The following RFX3 variants were observed in gnomAD, a reference collection of about 807,000 sequenced individuals.
RFX3 encodes regulatory factor X3, also known as transcription factor RFX3.
Under a neutral mutation model 98.6 loss-of-function variants are expected in RFX3, and 14 were observed. That is an observed-to-expected ratio of 0.14 (90% CI 0.09 to 0.22). The LOEUF is 0.22. Ranked by LOEUF, RFX3 falls within the 10% of genes least tolerant of loss-of-function variation. The probability of loss-of-function intolerance (pLI) is 1.00; values close to 1 mark genes in which losing one functional copy is unlikely to be tolerated. For synonymous variants in RFX3, 383 were observed against 328.4 expected (o/e 1.17, Z -1.80); for missense variants, 639 against 926.9 (o/e 0.69, Z 4.03).
At chr9:3,426,166 T>C (rs1231934460) in intron 1 of RFX3, among the ~76,000 whole-genome samples, 2 of 152,170 alleles carry the variant, frequency 1.3e-5, no homozygotes, top group Non-Finnish European at 2.9e-5. Flanking sequence ...GTTTATTGGC[T>C]CATTTAACTG....
At chr9:3,340,644 C>T (rs1368178532) in intron 3 of RFX3, among the ~76,000 whole-genome samples, 1 of 152,180 alleles carries the variant, frequency 6.6e-6, no homozygotes, top group East Asian at 1.9e-4. Context: ...CCAAAAGACA[C>T]ATGAAAAAAT....
chr9:3,411,055 T>C (rs1333996443), intron 1 of RFX3, among the ~76,000 whole-genome samples: 1 of 152,224 alleles, frequency 6.6e-6, no homozygotes, highest in Non-Finnish European at 1.5e-5. Flanking sequence ...TTAGCTAATA[T>C]TTACATATTA....
At chr9:3,287,119 G>A (rs868859941) in intron 7 of RFX3, among the ~76,000 whole-genome samples, 1 of 151,684 alleles carries the variant, frequency 6.6e-6, no homozygotes, top group African/African-American at 2.4e-5. Flanking sequence ...ATCTCTGCAT[G>A]CAGGGCTTAA....
intron 1 of RFX3, among the ~76,000 whole-genome samples, chr9:3,506,123 G>A (rs1273783197): frequency 6.6e-6 from 1 of 151,154 alleles, no homozygotes; most frequent in Non-Finnish European, 1.5e-5. Context: ...ACTAAATTCA[G>A]CAACTCATCA....
intron 1 of RFX3, among the ~76,000 whole-genome samples, chr9:3,433,376 T>A (rs887947237): frequency 6.6e-6 from 1 of 152,214 alleles, no homozygotes; most frequent in Admixed American, 6.5e-5. Context: ...TCCCATTGAA[T>A]GAATAGTAAA....
Position 3,330,376 on chromosome 9 carries a change from C to A in RFX3, c.357G>T (p.Gln119His). The A allele has an allele frequency of 1.2e-6, 2 of 1,614,154 alleles. No individual in the cohort carries two copies. The highest frequency in any genetic ancestry group is 1.3e-5 in the African/African-American group (1 of 75,038). ...TGAGTTGTCCTCCTGTGACGCCCATCTGAATCCCACCAGTGCCCACCATAC... is the reference window on the plus strand; with the variant it reads ...TGAGTTGTCCTCCTGTGACGCCCATATGAATCCCACCAGTGCCCACCATAC... ...SHSMVGTGGI[Q>H]MGVTGGQLIS... Residue 119 changes from glutamine (Q) to histidine (H), a missense_variant, in exon 4 of 17, where the codon CAG (glutamine) becomes CAT (histidine). Coordinates refer to ENST00000617270, the MANE Select transcript of RFX3 (RefSeq NM_001282116.2).
intron 2 of RFX3, among the ~76,000 whole-genome samples, chr9:3,355,204 A>C (rs1234093388): frequency 6.6e-6 from 1 of 151,910 alleles, no homozygotes; most frequent in Non-Finnish European, 1.5e-5. Flanking sequence ...ATAACAAGAC[A>C]CTAGAATTAA....
intron 1 of RFX3, among the ~76,000 whole-genome samples, chr9:3,502,884 A>G (rs972815043): frequency 8.5e-5 from 13 of 152,188 alleles, no homozygotes; most frequent in Middle Eastern, 3.2e-3. Flanking sequence ...CAGATTAACC[A>G]TAAGTTGTTA....
chr9:3,291,857 G>C (rs935072598), intron 6 of RFX3, among the ~76,000 whole-genome samples: 19 of 151,720 alleles, frequency 1.3e-4, no homozygotes, highest in Non-Finnish European at 2.8e-4. Context: ...AAGAGATGGA[G>C]ACCATCTGGA....
chr9:3,225,134 G>A lies in RFX3; in HGVS notation c.2158C>T (p.Leu720Phe), dbSNP rs1391817870. The change falls in exon 17 of 17, where the codon CTC becomes TTC. Residue 720 changes from leucine to phenylalanine, a missense_variant. Transcript: ENST00000617270. ...TGCTCGCTGTGAATTGGATTCAGGA[G>A]GCTTGGTTGCACGCCAGTCTCGAGA... Reference protein sequence around the residue: ...PVLETGVQPSLLNPIHSEHIV... With the variant: ...PVLETGVQPSFLNPIHSEHIV... The A allele has an allele frequency of 1.2e-6, 2 of 1,613,952 alleles. No individual in the cohort carries two copies. The highest frequency in any genetic ancestry group is 2.2e-5 in the East Asian group (1 of 44,866).
intron 3 of RFX3, among the ~76,000 whole-genome samples, chr9:3,341,535 C>T (rs1833890894): frequency 6.6e-6 from 1 of 152,166 alleles, no homozygotes; most frequent in African/African-American, 2.4e-5. Flanking sequence ...TCAGCAGTAT[C>T]TCAATTCAGT....
At chr9:3,290,978 T>C (rs1189897042) in intron 6 of RFX3, among the ~76,000 whole-genome samples, 2 of 152,202 alleles carry the variant, frequency 1.3e-5, no homozygotes, top group African/African-American at 4.8e-5. Flanking sequence ...AAATAGGTCA[T>C]GAGACCCTCA....
intron 1 of RFX3, among the ~76,000 whole-genome samples, chr9:3,460,951 A>C (rs967088697): frequency 2.0e-5 from 3 of 151,872 alleles, no homozygotes; most frequent in African/African-American, 7.2e-5. Context: ...TAATGTATTT[A>C]ATGTTCTCAC....
intron 1 of RFX3, among the ~76,000 whole-genome samples, chr9:3,445,118 G>A (rs1452915882): frequency 1.3e-5 from 2 of 152,192 alleles, no homozygotes; most frequent in African/African-American, 4.8e-5. Context: ...GTAGGTTAAT[G>A]AATGCACTTG....
chr9:3,309,590 G>A (rs1190812719), intron 4 of RFX3, among the ~76,000 whole-genome samples: 1 of 151,972 alleles, frequency 6.6e-6, no homozygotes, highest in African/African-American at 2.4e-5. Context: ...TGGGGGTGGG[G>A]AGGAGAGGGT....
Position 3,311,548 on chromosome 9 carries a change from G to T in RFX3, c.475-9928C>A, listed in dbSNP as rs147175514. 1.4e-4 allele frequency among the ~76,000 whole-genome samples: 21 copies of T among 152,254 alleles called. No homozygotes were observed. In the East Asian group the frequency reaches 4.1e-3, roughly 29 times the overall value. Reference sequence around the variant, plus strand: ...TAAAATTGCGGTTGTTCAAAATGTGGTCCTGAACCAGCAGTATCAAAATCA... The same window carrying T: ...TAAAATTGCGGTTGTTCAAAATGTGTTCCTGAACCAGCAGTATCAAAATCA... On this transcript the variant is annotated intron_variant, in intron 4 of 16. Transcript: ENST00000617270.
intron 1 of RFX3, among the ~76,000 whole-genome samples, chr9:3,508,687 C>A (rs1224756568): frequency 6.6e-6 from 1 of 151,882 alleles, no homozygotes; most frequent in East Asian, 1.9e-4. Context: ...GGATTTACAC[C>A]TTGTTAAAAG....
chr9:3,504,870 T>TAA (rs1491122654), intron 1 of RFX3, among the ~76,000 whole-genome samples: 1 of 76,158 alleles, frequency 1.3e-5, no homozygotes, highest in Non-Finnish European at 2.0e-5. Context: ...ATAATATATA[T>TAA]TATATATATT....
chr9:3,308,345 T>C (rs1265341964), intron 4 of RFX3, among the ~76,000 whole-genome samples: 1 of 152,126 alleles, frequency 6.6e-6, no homozygotes, highest in Non-Finnish European at 1.5e-5. Context: ...CTCCATTCAG[T>C]GCTACTGGAA....
Sources: gnomAD v4.1 joint callset for allele counts (sites outside exome capture counted in the v4.1 genomes callset) on GRCh38, gnomAD v4.1.1 for gene constraint, MANE v1.5 for transcripts, NCBI Gene and HGNC (gene_info 2026-07-23, HGNC 2026-07-21) for gene names.